Variants in ANKS1B observed in about 807,000 individuals in gnomAD.
The protein encoded by ANKS1B is ankyrin repeat and sterile alpha motif domain-containing protein 1B.
In ANKS1B, 36 loss-of-function variants were observed where a neutral mutation model predicts 148.3. The ratio of observed to expected loss-of-function variants is 0.24; its 90% CI spans 0.19 to 0.32. ANKS1B has a LOEUF of 0.32. Among genes scored for constraint, ANKS1B ranks in the 10% least tolerant of loss-of-function variants. The pLI is 1.00. For synonymous variants in ANKS1B, 542 were observed against 560.8 expected (o/e 0.97, Z 0.47); for missense variants, 1,157 against 1,542.6 (o/e 0.75, Z 4.19).
At chr12:99,200,146 A>C (rs189170751) in intron 14 of ANKS1B, among the ~76,000 whole-genome samples, 1 of 152,204 alleles carries the variant, frequency 6.6e-6, no homozygotes, top group Non-Finnish European at 1.5e-5. Flanking sequence ...TCCTGCAAAA[A>C]GGAGAGATGG....
intron 1 of ANKS1B, among the ~76,000 whole-genome samples, chr12:99,968,415 C>T (rs972079864): frequency 6.6e-6 from 1 of 151,892 alleles, no homozygotes. Flanking sequence ...AAAAATAGCC[C>T]GGTGTGGTGG....
At chr12:98,945,505 C>CAAAAAAAAAAAAAAAAAAA (rs3051086) in intron 17 of ANKS1B, among the ~76,000 whole-genome samples, 19 of 30,280 alleles carry the variant, frequency 6.3e-4, no homozygotes, top group African/African-American at 9.8e-4. Context: ...AACAAACAAA[C>CAAAAAAAAAAAAAAAAAAA]AAAAAAAAAA....
intron 2 of ANKS1B, among the ~76,000 whole-genome samples, chr12:99,815,652 C>T (rs2069015833): frequency 6.6e-6 from 1 of 151,564 alleles, no homozygotes. Context: ...CTCCAAACCT[C>T]CCTCCACCAG....
chr12:99,398,735 C>T (rs1242254204), intron 12 of ANKS1B, among the ~76,000 whole-genome samples: 1 of 152,076 alleles, frequency 6.6e-6, no homozygotes, highest in African/African-American at 2.4e-5. Context: ...AATCATTTTA[C>T]CCATAGCCAT....
chr12:99,722,406 A>G (rs545754766), intron 8 of ANKS1B, among the ~76,000 whole-genome samples: 1 of 152,322 alleles, frequency 6.6e-6, no homozygotes, highest in South Asian at 2.1e-4. Flanking sequence ...TTCTGAAAAC[A>G]CTAAAGCTTT....
intron 8 of ANKS1B, among the ~76,000 whole-genome samples, chr12:99,764,964 G>A (rs757021279): frequency 6.6e-6 from 1 of 152,160 alleles, no homozygotes; most frequent in Non-Finnish European, 1.5e-5. Flanking sequence ...GAAGAGGAGA[G>A]ACTAGAAGTG....
intron 16 of ANKS1B, among the ~76,000 whole-genome samples, chr12:99,065,092 G>A (rs116757051): frequency 6.6e-6 from 1 of 152,248 alleles, no homozygotes; most frequent in African/African-American, 2.4e-5. Flanking sequence ...ACATTTCCAA[G>A]CTCTACTAGT....
chr12:99,090,011 T>C (rs1379771074), intron 15 of ANKS1B, among the ~76,000 whole-genome samples: 1 of 152,160 alleles, frequency 6.6e-6, no homozygotes, highest in Non-Finnish European at 1.5e-5. Flanking sequence ...ATCTCTTAAA[T>C]CATGGAATGG....
chr12:99,103,258 C>G (rs1018337751), intron 15 of ANKS1B, among the ~76,000 whole-genome samples: 7 of 152,180 alleles, frequency 4.6e-5, no homozygotes, highest in Admixed American at 4.6e-4. Flanking sequence ...TAGCAATTCT[C>G]TTTCTTGGGG....
intron 1 of ANKS1B, among the ~76,000 whole-genome samples, chr12:99,848,067 C>CCACA (rs2086999334): frequency 2.0e-5 from 3 of 152,150 alleles, no homozygotes; most frequent in African/African-American, 7.2e-5. Context: ...AGACTGAGAG[C>CCACA]CACAGTCTGG....
chr12:99,061,678 T>C (rs1297893092), intron 16 of ANKS1B, among the ~76,000 whole-genome samples: 2 of 152,238 alleles, frequency 1.3e-5, no homozygotes, highest in African/African-American at 4.8e-5. Context: ...ATTATGAATG[T>C]CTCTATTTCA....
intron 22 of ANKS1B, among the ~76,000 whole-genome samples, chr12:98,791,718 C>G (rs1401973520): frequency 6.6e-6 from 1 of 152,140 alleles, no homozygotes; most frequent in African/African-American, 2.4e-5. Context: ...TTACTGTGCC[C>G]AGCTCAACAG....
chr12:99,971,769 A>T (rs1002408022), intron 1 of ANKS1B, among the ~76,000 whole-genome samples: 13 of 152,208 alleles, frequency 8.5e-5, no homozygotes, highest in African/African-American at 2.9e-4. Flanking sequence ...GAAAAACAAA[A>T]TACATTTTTT....
intron 14 of ANKS1B, among the ~76,000 whole-genome samples, chr12:99,223,620 C>T (rs1395949442): frequency 2.0e-5 from 3 of 152,058 alleles, no homozygotes; most frequent in South Asian, 2.1e-4. Context: ...TGGTAATGCT[C>T]GCTCACCTGC....
chr12:98,932,423 T>G (rs2099814487), intron 17 of ANKS1B, among the ~76,000 whole-genome samples: 2 of 152,182 alleles, frequency 1.3e-5, no homozygotes, highest in South Asian at 4.1e-4. Context: ...TGGTTTTGTC[T>G]TTGCAAAACA....
At chr12:98,852,665 A>C (rs2099536532) in intron 17 of ANKS1B, among the ~76,000 whole-genome samples, 1 of 152,198 alleles carries the variant, frequency 6.6e-6, no homozygotes, top group Non-Finnish European at 1.5e-5. Flanking sequence ...AGGTGGGGAA[A>C]CTGGGGCTCA....
At chr12:98,948,687 T>C (rs1446749829) in intron 17 of ANKS1B, among the ~76,000 whole-genome samples, 2 of 151,900 alleles carry the variant, frequency 1.3e-5, no homozygotes, top group East Asian at 3.9e-4. Flanking sequence ...CACATTGATA[T>C]GCACAATAAT....
rs561673395 is a variant in ANKS1B, at chr12:99,228,435, T to A, written c.2419+15907A>T. ...AATCTATCTATCTATCTATATTGATTTATTTATCTTCTATCTGTATGTGAT... is the reference window on the plus strand; with the variant it reads ...AATCTATCTATCTATCTATATTGATATATTTATCTTCTATCTGTATGTGAT... On this transcript the variant is annotated intron_variant, in intron 14 of 26. Coordinates refer to ENST00000683438, the MANE Select transcript of ANKS1B (RefSeq NM_001352186.2). Among the ~76,000 whole-genome samples the A allele has an allele frequency of 1.5e-4, 23 of 152,224 alleles. No homozygotes were observed. In the East Asian group the frequency reaches 4.4e-3, roughly 29 times the overall value.
At chr12:98,970,620 A>G (rs1224265014) in intron 17 of ANKS1B, among the ~76,000 whole-genome samples, 2 of 152,226 alleles carry the variant, frequency 1.3e-5, no homozygotes, top group African/African-American at 4.8e-5. Context: ...AATTGAGTCT[A>G]TATGCTACGT....
Sources: allele counts gnomAD v4.1 joint callset (sites outside exome capture counted in the v4.1 genomes callset), GRCh38; gene constraint gnomAD v4.1.1; transcripts MANE v1.5; gene names NCBI Gene and HGNC (gene_info 2026-07-23, HGNC 2026-07-21).